Variants in TGFBRAP1 observed in about 807,000 individuals in gnomAD.
TGFBRAP1 encodes transforming growth factor beta receptor associated protein 1.
TGFBRAP1 carries 20 observed loss-of-function variants against 83.2 expected under a neutral mutation model. The ratio of observed to expected loss-of-function variants is 0.24; its 90% confidence interval spans 0.17 to 0.35. The LOEUF is 0.35. TGFBRAP1 is among the 10% of genes least tolerant of loss of function. The pLI, the probability that TGFBRAP1 is intolerant of heterozygous loss-of-function variation, is 1.00. For synonymous variants in TGFBRAP1, 415 were observed against 459.8 expected, an observed-to-expected ratio of 0.90 and a Z score of 1.25; for missense variants, 950 against 1,099.4, an observed-to-expected ratio of 0.86 and a Z score of 1.92.
At chr2:105,298,460 A>G (rs1379631627) in intron 3 of TGFBRAP1, 51 bp downstream of exon 3, 4 of 1,517,952 alleles carry the variant, frequency 2.6e-6, no homozygotes, top group East Asian at 4.6e-5. Flanking sequence ...CCGAAGAAAT[A>G]TCATAAAAGA....
At position 105,273,569 on chromosome 2, in the gene TGFBRAP1, T is replaced by G. The variant is rs1558629189; in HGVS notation, c.1787A>C (p.His596Pro). 1 of 1,614,258 alleles carries G rather than the reference T, an allele frequency of 6.2e-7. No homozygotes were observed. The highest frequency in any genetic ancestry group is 1.1e-5 in the South Asian group (1 of 91,088). Residue 596 changes from histidine to proline, a missense_variant, in exon 9 of 12, where the codon CAT (histidine) becomes CCT (proline). Transcript: ENST00000393359. Reference sequence around the variant, plus strand: ...CTGCAGTCTCTTGTCTATCACAAGATGTTCCAGATACTTCACAAGGGCTTT... The same window carrying G: ...CTGCAGTCTCTTGTCTATCACAAGAGGTTCCAGATACTTCACAAGGGCTTT... Reference protein sequence around the residue: ...YPKALVKYLEHLVIDKRLQKE... With the variant: ...YPKALVKYLEPLVIDKRLQKE...
In TGFBRAP1 at chr2:105,298,666, G is replaced by A; in HGVS notation, c.728C>T (p.Pro243Leu). ...ATVAGISQRA[P>L]VHWSENVIGA... ...AATCACATTCTCCGACCAGTGCACG[G>A]GGGCGCGCTGGGATATCCCTGCGAC... The change falls in exon 3 of 12, where the codon CCC becomes CTC. Residue 243 changes from proline to leucine, a missense_variant. By Grantham distance (98) the Pro-to-Leu change is moderately conservative (BLOSUM62 -3). Transcript: ENST00000393359. 1 of 1,605,198 alleles carries A rather than the reference G, an allele frequency of 6.2e-7. No individual in the cohort carries two copies. The highest frequency in any genetic ancestry group is 8.5e-7 in the Non-Finnish European group (1 of 1,173,756).
chr2:105,256,638 T>C, the TGFBRAP1 span, among the ~76,000 whole-genome samples: 8 of 152,252 alleles, frequency 5.3e-5, no homozygotes, highest in South Asian at 2.1e-4. Context: ...AAAAGACAGG[T>C]TATCATATTA....
In TGFBRAP1 at chr2:105,307,983, G is replaced by C; in HGVS notation, c.319C>G (p.Leu107Val). The C allele has an allele frequency of 6.2e-7, 1 of 1,614,244 alleles. No homozygotes were observed. The highest frequency in any genetic ancestry group is 8.5e-7 in the Non-Finnish European group (1 of 1,180,052). ...CGGGCCCCCGAAGGCACTGGCTCGAGGTTCAGCATGTTGACCAGGCTGATG... is the reference window on the plus strand; with the variant it reads ...CGGGCCCCCGAAGGCACTGGCTCGACGTTCAGCATGTTGACCAGGCTGATG... ...NSISLVNMLNLEPVPSGARIK... is the reference protein window; with the variant it reads ...NSISLVNMLNVEPVPSGARIK... Residue 107 changes from leucine to valine, a missense_variant, in exon 2 of 12, where the codon CTC becomes GTC. Physicochemically the swap from Leu to Val is conservative, Grantham distance 32 (BLOSUM62 1). Transcript: ENST00000393359.
intron 1 of TGFBRAP1, among the ~76,000 whole-genome samples, chr2:105,309,879 C>T (rs959586081): frequency 6.6e-6 from 1 of 152,080 alleles, no homozygotes; most frequent in African/African-American, 2.4e-5. Flanking sequence ...TTATGAATGG[C>T]ATTAGTGCCC....
chr2:105,299,690 T>C (rs1678218144), intron 2 of TGFBRAP1, among the ~76,000 whole-genome samples: 1 of 151,328 alleles, frequency 6.6e-6, no homozygotes, highest in African/African-American at 2.4e-5. Context: ...AGCCCAGAAG[T>C]TCAAAACCAG....
At chr2:105,329,181 C>CTT (rs1309865417) in intron 1 of TGFBRAP1, among the ~76,000 whole-genome samples, 1 of 152,092 alleles carries the variant, frequency 6.6e-6, no homozygotes, top group Non-Finnish European at 1.5e-5. Flanking sequence ...GCGCCAAAAC[C>CTT]ATTCCATACC....
At chr2:105,298,287 T>C (rs1393645099) in intron 3 of TGFBRAP1, among the ~76,000 whole-genome samples, 1 of 152,204 alleles carries the variant, frequency 6.6e-6, no homozygotes, top group African/African-American at 2.4e-5. Flanking sequence ...GCTCTCACAA[T>C]GGGCCTTATT....
chr2:105,317,997 C>A (rs1278760011), intron 1 of TGFBRAP1, among the ~76,000 whole-genome samples: 1 of 152,124 alleles, frequency 6.6e-6, no homozygotes, highest in African/African-American at 2.4e-5. Flanking sequence ...CCTAAGAACA[C>A]AGCACAATGA....
At chr2:105,271,384 A>C (rs1248817795) in intron 10 of TGFBRAP1, among the ~76,000 whole-genome samples, 2 of 152,236 alleles carry the variant, frequency 1.3e-5, no homozygotes, top group Non-Finnish European at 2.9e-5. Flanking sequence ...GGAGTGAGTA[A>C]AAATTCAATA....
In TGFBRAP1 at chr2:105,307,974, C is replaced by T. The variant is rs1558649685; in HGVS notation, c.328G>A (p.Val110Met). The change falls in exon 2 of 12, where the codon GTG becomes ATG. Residue 110 changes from valine to methionine, a missense_variant. Transcript: ENST00000393359. ...SLVNMLNLEP[V>M]PSGARIKGAA... is the part of the protein sequence containing the mutation. ...CCCTTGATGCGGGCCCCCGAAGGCA[C>T]TGGCTCGAGGTTCAGCATGTTGACC... 2 of 1,614,264 alleles carry T rather than the reference C, an allele frequency of 1.2e-6. No homozygotes were observed. Among genetic ancestry groups the T allele is most frequent in the Non-Finnish European group, 1.7e-6 (2 of 1,180,052 alleles).
At chr2:105,290,320 G>A (rs960349912) in intron 4 of TGFBRAP1, among the ~76,000 whole-genome samples, 1 of 152,170 alleles carries the variant, frequency 6.6e-6, no homozygotes, top group Non-Finnish European at 1.5e-5. Context: ...TCCTGTCTCA[G>A]CCTCCCAAAG....
intron 11 of TGFBRAP1, chr2:105,267,835 T>C: frequency 1.0e-6 from 1 of 985,466 alleles, no homozygotes; most frequent in Non-Finnish European, 1.2e-6. Context: ...AGATCCTCTC[T>C]CCAACATTCT....
intron 2 of TGFBRAP1, among the ~76,000 whole-genome samples, chr2:105,307,292 G>A (rs1353226964): frequency 3.9e-5 from 6 of 152,100 alleles, no homozygotes; most frequent in Non-Finnish European, 1.5e-5. Flanking sequence ...TGCTATCTCT[G>A]AATTGTCTCT....
chr2:105,321,315 C>T (rs955748550), intron 1 of TGFBRAP1, among the ~76,000 whole-genome samples: 21 of 152,070 alleles, frequency 1.4e-4, no homozygotes, highest in African/African-American at 3.4e-4. Context: ...TACAGGCAGC[C>T]GCCATCATGC....
chr2:105,278,099 TG>T lies in TGFBRAP1; in HGVS notation c.1464-429del, dbSNP rs1202753482. Among the ~76,000 whole-genome samples the T allele has an allele frequency of 2.5e-4, 37 of 150,538 alleles. 1 individual carries two copies. The East Asian group carries it at 5.5e-3, about 22-fold the overall frequency. On this transcript the variant is annotated intron_variant, in intron 6 of 11. Transcript: ENST00000393359. ...GTGTGTGTGTGTGTGTGTGTGTGTG[TG>T]TGTGTGTGTGTGTAGTTCAACAACA...
chr2:105,310,854 T>C (rs6712237), intron 1 of TGFBRAP1, among the ~76,000 whole-genome samples: 7,333 of 152,280 alleles, frequency 0.048, 210 homozygotes, highest in African/African-American at 0.075. Flanking sequence ...GATTAATCAA[T>C]CAGGGTTGTC....
At chr2:105,303,650 G>A (rs1177791645) in intron 2 of TGFBRAP1, among the ~76,000 whole-genome samples, 7 of 152,188 alleles carry the variant, frequency 4.6e-5, no homozygotes, top group Non-Finnish European at 1.0e-4. Context: ...TAACTGAATT[G>A]ATCTGGGCAG....
the TGFBRAP1 span, among the ~76,000 whole-genome samples, chr2:105,255,153 G>A: frequency 0.37 from 56,289 of 152,030 alleles, 12,101 homozygotes; most frequent in South Asian, 0.55. Flanking sequence ...AATTTCAGCT[G>A]TCCCAGTGGC....
Sources: gnomAD v4.1 joint callset for allele counts (sites outside exome capture counted in the v4.1 genomes callset) on GRCh38, gnomAD v4.1.1 for gene constraint, MANE v1.5 for transcripts, NCBI Gene and HGNC (gene_info 2026-07-23, HGNC 2026-07-21) for gene names.